Variants in SLC35G1 observed in about 807,000 individuals in gnomAD.
SLC35G1 encodes solute carrier family 35 member G1.
Under a neutral mutation model 17.1 loss-of-function variants are expected in SLC35G1, and 10 were observed. The ratio of observed to expected loss-of-function variants is 0.59; its 90% CI spans 0.36 to 0.99. SLC35G1 has a LOEUF of 0.99. Ranked by LOEUF, SLC35G1 falls within the 50% of genes least tolerant of loss-of-function variation. The pLI, the probability that SLC35G1 is intolerant of heterozygous loss-of-function variation, is 0.01. For missense variants in SLC35G1, 433 were observed against 468.4 expected, an observed-to-expected ratio of 0.92 and a Z score of 0.70; for synonymous variants, 185 against 181.1, an observed-to-expected ratio of 1.02 and a Z score of -0.18.
At position 93,902,452 on chromosome 10, in the gene SLC35G1, T is replaced by G. The variant is rs565847264; in HGVS notation, c.*962T>G. 9 of 152,740 alleles carry G rather than the reference T, an allele frequency of 5.9e-5. No individual in the cohort carries two copies. In the East Asian group the frequency reaches 1.3e-3, roughly 23 times the overall value. 9.5% of individuals were successfully genotyped at this position (152,740 alleles called of 1,614,324 possible). A position where few individuals can be genotyped will look rare whatever the true frequency, so the allele number is the denominator to read the frequency against. On this transcript the variant is annotated 3_prime_UTR_variant, in exon 3 of 3. Coordinates refer to ENST00000427197, the MANE Select transcript of SLC35G1 (RefSeq NM_001134658.3). ...CAGGATCTTATTAGGTTGAACCATATGTAATTGCCAAGATTTTACTATTTT... is the reference window on the plus strand; with the variant it reads ...CAGGATCTTATTAGGTTGAACCATAGGTAATTGCCAAGATTTTACTATTTT...
intron 1 of SLC35G1, among the ~76,000 whole-genome samples, chr10:93,895,733 G>C (rs10882362): frequency 0.36 from 55,242 of 152,024 alleles, 10,621 homozygotes; most frequent in Middle Eastern, 0.54. Context: ...TCAAGTTCTG[G>C]TTGGAACTGT....
chr10:93,897,368 A>G (rs2060340351), intron 1 of SLC35G1, among the ~76,000 whole-genome samples: 1 of 152,186 alleles, frequency 6.6e-6, no homozygotes, highest in Non-Finnish European at 1.5e-5. Context: ...AACATTACAC[A>G]ATACTGTTTT....
chr10:93,904,912 C>T (rs1471827253), downstream of SLC35G1, among the ~76,000 whole-genome samples: 1 of 152,208 alleles, frequency 6.6e-6, no homozygotes, highest in East Asian at 1.9e-4. Context: ...TCACCAGGAA[C>T]CGTAGGAACA....
At chr10:93,898,839 C>T (rs1021101818) in intron 2 of SLC35G1, 88 bp downstream of exon 2, 31 of 1,304,104 alleles carry the variant, frequency 2.4e-5, no homozygotes, top group Non-Finnish European at 3.1e-5. Flanking sequence ...TCTGCTTTAT[C>T]CATCTCATAT....
At chr10:93,898,259 AAGATTT>A (rs2060349266) in intron 1 of SLC35G1, among the ~76,000 whole-genome samples, 1 of 152,334 alleles carries the variant, frequency 6.6e-6, no homozygotes, top group South Asian at 2.1e-4. Flanking sequence ...GTGTTTCTTA[AAGATTT>A]CTCTCACCAT....
At chr10:93,904,277 CTT>C (rs2060415641), downstream of SLC35G1, among the ~76,000 whole-genome samples, 1 of 152,208 alleles carries the variant, frequency 6.6e-6, no homozygotes, top group Admixed American at 6.5e-5. Context: ...CTTCAAGACT[CTT>C]TCTTCCACTC....
intron 1 of SLC35G1, among the ~76,000 whole-genome samples, chr10:93,896,896 G>A (rs1164306878): frequency 6.6e-6 from 1 of 152,144 alleles, no homozygotes; most frequent in African/African-American, 2.4e-5. Context: ...TTCTGTTTGA[G>A]GGTGGAGTTT....
Position 93,901,494 on chromosome 10 carries a change from A to G in SLC35G1, c.*4A>G. 6.3e-7 allele frequency: 1 copy of G among 1,578,108 alleles called. No individual in the cohort carries two copies. The highest frequency in any genetic ancestry group is 1.4e-5 in the African/African-American group (1 of 73,502). ...ATGGTACCAAAGTTCCAAATGAAGCATCATTGCTGAAATACATATTTTTTT... is the reference window on the plus strand; with the variant it reads ...ATGGTACCAAAGTTCCAAATGAAGCGTCATTGCTGAAATACATATTTTTTT... On this transcript the variant is annotated 3_prime_UTR_variant, in exon 3 of 3. Transcript: ENST00000427197.
In SLC35G1 at chr10:93,903,526, C is replaced by G. The variant is rs1313927697; in HGVS notation, c.*2036C>G. ...TCTTTACCTTGCACAGTGAAAGAAT[C>G]AGTGGCACCTAGAAAGTTAAATCCC... On this transcript the variant is annotated 3_prime_UTR_variant, in exon 3 of 3. Coordinates refer to ENST00000427197, the MANE Select transcript of SLC35G1 (RefSeq NM_001134658.3). The G allele has an allele frequency of 1.3e-5, 2 of 152,200 alleles. No individual in the cohort carries two copies. The highest frequency in any genetic ancestry group is 1.3e-4 in the Admixed American group (2 of 15,270). The allele number at this position is 152,200 out of a possible 1,614,324, so 9.4% of individuals were successfully genotyped here.
chr10:93,895,556 A>G (rs2060322301), intron 1 of SLC35G1, among the ~76,000 whole-genome samples: 1 of 152,214 alleles, frequency 6.6e-6, no homozygotes, highest in Admixed American at 6.5e-5. Flanking sequence ...GTATCTAAGA[A>G]TCTTGTGGGT....
At chr10:93,907,313 G>A (rs2060435198), downstream of SLC35G1, 1 of 152,128 alleles carries the variant, frequency 6.6e-6, no homozygotes, top group Non-Finnish European at 1.5e-5. Flanking sequence ...GAAGTCTTTG[G>A]TACTTTGCAG....
intron 2 of SLC35G1, 23 bp from the exon 3 acceptor site, chr10:93,900,729 C>A (rs760347469): frequency 2.7e-6 from 4 of 1,500,172 alleles, no homozygotes; most frequent in South Asian, 2.8e-5. Flanking sequence ...ATTTAATATG[C>A]ATTTCTTCAT....
chr10:93,898,451 G>A (rs2060351978), intron 1 of SLC35G1, 120 bp from the exon 2 acceptor site: 1 of 859,806 alleles, frequency 1.2e-6, no homozygotes, highest in Non-Finnish European at 1.8e-6. Flanking sequence ...GAAATGATAT[G>A]CTTAGGAGGT....
Position 93,899,229 on chromosome 10 carries a change from G to T in SLC35G1, c.359+478G>T, listed in dbSNP as rs116905175. On this transcript the variant is annotated intron_variant, in intron 2 of 2. Transcript: ENST00000427197. The stretch of plus-strand genomic sequence containing the variant: ...GGTAACCCTGAGCAAGGTTACTTTC[G>T]TATTTAGTTTCCTCTTTTGTAAACT... 6.4e-3 allele frequency among the ~76,000 whole-genome samples: 979 copies of T among 152,246 alleles called. 6 individuals are homozygous for T. The highest frequency in any genetic ancestry group is 0.01 in the Non-Finnish European group (706 of 68,002).
Position 93,894,138 on chromosome 10 carries a change from G to A in SLC35G1, c.105G>A (p.Glu35=), listed in dbSNP as rs1170470768. 1.7e-5 allele frequency: 25 copies of A among 1,484,036 alleles called. No homozygotes were observed. The highest frequency in any genetic ancestry group is 2.2e-5 in the Non-Finnish European group (25 of 1,124,828). The allele number at this position is 1,484,036 out of a possible 1,614,324, so 91.9% of individuals were successfully genotyped here. A position where few individuals can be genotyped will look rare whatever the true frequency, so the allele number is the denominator to read the frequency against. ...PGATEEPAAA[E]AAGAPDRGRC... ...CCACTGAGGAGCCGGCGGCCGCCGAGGCAGCTGGGGCGCCAGACCGCGGTA... is the reference window on the plus strand; with the variant it reads ...CCACTGAGGAGCCGGCGGCCGCCGAAGCAGCTGGGGCGCCAGACCGCGGTA... Residue 35 remains glutamate, a synonymous_variant, in exon 1 of 3, where the codon GAG becomes GAA. Transcript: ENST00000427197.
At chr10:93,908,703 C>T (rs2060442159), downstream of SLC35G1, 1 of 151,988 alleles carries the variant, frequency 6.6e-6, no homozygotes, top group Non-Finnish European at 1.5e-5. Context: ...ATTGTCAAGC[C>T]CTCACATTGG....
intron 1 of SLC35G1, among the ~76,000 whole-genome samples, chr10:93,895,045 T>C (rs1448791261): frequency 6.6e-6 from 1 of 152,168 alleles, no homozygotes; most frequent in East Asian, 1.9e-4. Flanking sequence ...AGCACATTCC[T>C]CTTAGAAGTC....
chr10:93,900,639 A>C, intron 2 of SLC35G1, 113 bp from the exon 3 acceptor site: 5,358 of 439,910 alleles, frequency 0.012, no homozygotes, highest in Non-Finnish European at 0.016. Flanking sequence ...TTAATTTACT[A>C]TTCCCTCATT....
Position 93,900,797 on chromosome 10 carries a change from C to T in SLC35G1, c.405C>T (p.Leu135=). 1 of 1,612,886 alleles carries T rather than the reference C, an allele frequency of 6.2e-7. No homozygotes were observed. The change falls in exon 3 of 3, where the codon CTC becomes CTT. Residue 135 remains leucine (L), a synonymous_variant. Coordinates refer to ENST00000427197, the MANE Select transcript of SLC35G1 (RefSeq NM_001134658.3). Reference sequence around the variant, plus strand: ...AAGGTCAACGAATTTTCCTCATTCTCAGAGGAGTCCTTGGTTCTACCGCCA... The same window carrying T: ...AAGGTCAACGAATTTTCCTCATTCTTAGAGGAGTCCTTGGTTCTACCGCCA... ...GPKGQRIFLI[L]RGVLGSTAMM...
Sources: gnomAD v4.1 joint callset for allele counts (sites outside exome capture counted in the v4.1 genomes callset) on GRCh38, gnomAD v4.1.1 for gene constraint, MANE v1.5 for transcripts, NCBI Gene and HGNC (gene_info 2026-07-23, HGNC 2026-07-21) for gene names.